Variants in CELF2 observed in about 807,000 individuals in gnomAD.
CELF2 encodes the protein CUG triplet repeat RNA-binding protein 2.
Under a neutral mutation model 62.6 loss-of-function variants are expected in CELF2, and 8 were observed. The observed-to-expected ratio is 0.13, with a 90% CI of 0.07 to 0.23. The LOEUF (loss-of-function observed/expected upper bound fraction) is 0.23, where lower values mean the gene tolerates loss of function less well. Ranked by LOEUF, CELF2 falls within the 10% of genes least tolerant of loss-of-function variation. The pLI, the probability that CELF2 is intolerant of heterozygous loss-of-function variation, is 1.00. For missense variants in CELF2, 333 were observed against 671.0 expected, an observed-to-expected ratio of 0.50 and a Z score of 5.56; for synonymous variants, 258 against 250.0, an observed-to-expected ratio of 1.03 and a Z score of -0.30.
intron 2 of CELF2, among the ~76,000 whole-genome samples, chr10:11,187,660 T>A (rs913215788): frequency 1.3e-5 from 2 of 152,124 alleles, no homozygotes; most frequent in African/African-American, 4.8e-5. Context: ...GGCTTACTAG[T>A]TATAGCTCTT....
intron 1 of CELF2, among the ~76,000 whole-genome samples, chr10:10,908,496 A>C (rs2063538881): frequency 6.6e-6 from 1 of 151,890 alleles, no homozygotes; most frequent in Admixed American, 6.6e-5. Flanking sequence ...CTAGGATTAC[A>C]GGCATGAGCC....
chr10:10,976,376 G>C (rs1455055822), intron 2 of CELF2, among the ~76,000 whole-genome samples: 1 of 152,150 alleles, frequency 6.6e-6, no homozygotes, highest in South Asian at 2.1e-4. Context: ...TCAAATGCCT[G>C]TTCTCAGAAC....
Position 11,334,660 on chromosome 10 carries a change from A to G in CELF2, c.*5607A>G, listed in dbSNP as rs546842518. The G allele has an allele frequency of 3.3e-5, 5 of 152,350 alleles. No homozygotes were observed. The highest frequency in any genetic ancestry group is 1.2e-4 in the African/African-American group (5 of 41,572). The allele number at this position is 152,350 out of a possible 1,614,324, so 9.4% of individuals were successfully genotyped here. ...CAAGGTGTTTTACGGTCTTTTGACCACACAGGTTAATTTCCCCTTCTCTCC... is the reference window on the plus strand; with the variant it reads ...CAAGGTGTTTTACGGTCTTTTGACCGCACAGGTTAATTTCCCCTTCTCTCC... On this transcript the variant is annotated 3_prime_UTR_variant, in exon 13 of 13. Transcript: ENST00000633077.
the CELF2 span, among the ~76,000 whole-genome samples, chr10:10,463,507 C>T: frequency 6.6e-6 from 1 of 152,140 alleles, no homozygotes; most frequent in Non-Finnish European, 1.5e-5. Flanking sequence ...GTAACTTTTG[C>T]TCATGTGAAA....
chr10:10,523,873 T>C, the CELF2 span, among the ~76,000 whole-genome samples: 1 of 152,192 alleles, frequency 6.6e-6, no homozygotes, highest in African/African-American at 2.4e-5. Context: ...CCACATACTT[T>C]AGTCTGCTTG....
the CELF2 span, among the ~76,000 whole-genome samples, chr10:10,646,408 G>T: frequency 1.2e-4 from 18 of 152,260 alleles, 1 homozygote; most frequent in East Asian, 1.4e-3. Context: ...GTTAAACATT[G>T]GTTCATCATT....
At chr10:11,198,529 A>G (rs2058506563) in intron 2 of CELF2, among the ~76,000 whole-genome samples, 1 of 152,248 alleles carries the variant, frequency 6.6e-6, no homozygotes, top group Non-Finnish European at 1.5e-5. Flanking sequence ...TCATCTGAAC[A>G]TAGGTAGACC....
At chr10:10,550,812 C>T in the CELF2 span, among the ~76,000 whole-genome samples, 3 of 152,086 alleles carry the variant, frequency 2.0e-5, no homozygotes, top group African/African-American at 4.8e-5. Context: ...GATTCTCATG[C>T]CTCAGCCTCC....
chr10:10,992,363 A>G (rs1479688707), intron 2 of CELF2, among the ~76,000 whole-genome samples: 1 of 152,178 alleles, frequency 6.6e-6, no homozygotes, highest in Non-Finnish European at 1.5e-5. Flanking sequence ...TTCTCATGTC[A>G]GAGAAAAACC....
chr10:11,259,391 C>T (rs1393453887), intron 5 of CELF2, among the ~76,000 whole-genome samples: 1 of 148,442 alleles, frequency 6.7e-6, no homozygotes, highest in African/African-American at 2.5e-5. Flanking sequence ...GGAACCACGC[C>T]AAGCTTTTGA....
chr10:10,875,760 C>T (rs1475106213), intron 1 of CELF2, among the ~76,000 whole-genome samples: 2 of 152,156 alleles, frequency 1.3e-5, no homozygotes, highest in Non-Finnish European at 2.9e-5. Context: ...AAGGAACTTG[C>T]AGACTTCCAT....
intron 1 of CELF2, among the ~76,000 whole-genome samples, chr10:10,883,907 CT>C (rs1032745852): frequency 6.6e-6 from 1 of 151,478 alleles, no homozygotes; most frequent in African/African-American, 2.4e-5. Context: ...CTTCCTCCCC[CT>C]CTTCCTCCTC....
At chr10:11,234,478 G>A (rs148416608) in intron 3 of CELF2, among the ~76,000 whole-genome samples, 10,671 of 152,052 alleles carry the variant, frequency 0.07, 414 homozygotes, top group Middle Eastern at 0.14. Context: ...GTCAGGAGAC[G>A]GAGACCATCC....
chr10:11,248,776 G>A (rs1194364430), intron 3 of CELF2, among the ~76,000 whole-genome samples: 1 of 152,210 alleles, frequency 6.6e-6, no homozygotes, highest in Non-Finnish European at 1.5e-5. Flanking sequence ...TCTCACAGAT[G>A]AGGAGACCAA....
rs745848953 is a variant in CELF2 at position 10,924,724 on chromosome 10, C to CTTTTTTTTTTTTTTTTTTTTTTT, written c.89+4743_89+4744insTTTTTTTTTTTTTTTTTTTTTTT. On this transcript the variant is annotated intron_variant, in intron 2 of 13. Transcript: ENST00000636488. ...GTATATTAATCCAGTAACTTGATCG[C>CTTTTTTTTTTTTTTTTTTTTTTT]TTTTTTTTTTTTTTTTTTGCCTTCT... Among the ~76,000 whole-genome samples, 2 of 89,146 alleles carry CTTTTTTTTTTTTTTTTTTTTTTT rather than the reference C, an allele frequency of 2.2e-5. 1 individual carries two copies. Among genetic ancestry groups the CTTTTTTTTTTTTTTTTTTTTTTT allele is most frequent in the Non-Finnish European group, 4.0e-5 (2 of 49,974 alleles). 58.5% of individuals were successfully genotyped at this position (89,146 alleles called of 152,430 possible).
At chr10:10,782,619 C>A in the CELF2 span, among the ~76,000 whole-genome samples, 2 of 152,328 alleles carry the variant, frequency 1.3e-5, no homozygotes, top group African/African-American at 4.8e-5. Context: ...TGTCCTTCCC[C>A]CCTTGCCAGT....
At chr10:11,055,051 G>A (rs1291830) in intron 1 of CELF2, among the ~76,000 whole-genome samples, 16,792 of 152,200 alleles carry the variant, frequency 0.11, 2,208 homozygotes, top group African/African-American at 0.32. Context: ...TTGAGCTGTT[G>A]TAGATTTTGA....
the CELF2 span, among the ~76,000 whole-genome samples, chr10:10,706,014 G>T: frequency 6.6e-6 from 1 of 152,148 alleles, no homozygotes; most frequent in Non-Finnish European, 1.5e-5. Context: ...CAGCCGGACT[G>T]AGCTAACTTT....
rs957321276 is a variant in CELF2, at chr10:11,207,664, C to T, written c.272-9761C>T. Reference sequence around the variant, plus strand: ...TGGGATGGCACTTGGTAATCCAAACCGTGGAGTCCACATAACTCACATACG... The same window carrying T: ...TGGGATGGCACTTGGTAATCCAAACTGTGGAGTCCACATAACTCACATACG... On this transcript the variant is annotated intron_variant, in intron 2 of 12. Coordinates refer to ENST00000633077, the MANE Select transcript of CELF2 (RefSeq NM_001326342.2). The surrounding 1 kb of genome is among the most constrained non-coding windows in gnomAD (Gnocchi z 4.1). Among the ~76,000 whole-genome samples the T allele has an allele frequency of 2.6e-5, 4 of 152,232 alleles. No homozygotes were observed. The highest frequency in any genetic ancestry group is 4.4e-5 in the Non-Finnish European group (3 of 68,034).
Sources: allele counts gnomAD v4.1 joint callset (sites outside exome capture counted in the v4.1 genomes callset), GRCh38; gene constraint gnomAD v4.1.1; non-coding constraint Gnocchi (gnomAD v3.1); transcripts MANE v1.5; gene names NCBI Gene and HGNC (gene_info 2026-07-23, HGNC 2026-07-21).